PIGB: variants seen among roughly 807,000 people sequenced by gnomAD.
The protein encoded by PIGB is phosphatidylinositol glycan anchor biosynthesis class B.
PIGB carries 58 observed loss-of-function variants against 68.4 expected under a neutral mutation model. The ratio of observed to expected loss-of-function variants is 0.85; its 90% confidence interval spans 0.69 to 1.06. The LOEUF (loss-of-function observed/expected upper bound fraction) is 1.06, where lower values mean the gene tolerates loss of function less well. PIGB is among the 50% of genes least tolerant of loss of function. PIGB has a pLI of 0.00. For missense variants in PIGB, 634 were observed against 655.8 expected (o/e 0.97, Z 0.36); for synonymous variants, 219 against 220.5 (o/e 0.99, Z 0.06).
chr15:55,335,200 A>G (rs1428793278), intron 6 of PIGB, among the ~76,000 whole-genome samples: 3 of 152,240 alleles, frequency 2.0e-5, no homozygotes, highest in African/African-American at 4.8e-5. Flanking sequence ...TGTTTGCACA[A>G]TGATGAAACT....
intron 2 of PIGB, 111 bp from the exon 3 acceptor site, chr15:55,321,162 G>C: frequency 1.1e-6 from 1 of 909,486 alleles, no homozygotes; most frequent in Non-Finnish European, 1.6e-6. Context: ...GACCACTTGA[G>C]CCCAAGTTTG....
At chr15:55,334,845 A>C (rs570089242) in intron 6 of PIGB, among the ~76,000 whole-genome samples, 1 of 152,034 alleles carries the variant, frequency 6.6e-6, no homozygotes, top group African/African-American at 2.4e-5. Context: ...TCAGCCTCCC[A>C]AACAGCTGGG....
chr15:55,338,060 T>C (rs1008371846), intron 6 of PIGB, among the ~76,000 whole-genome samples: 7 of 152,162 alleles, frequency 4.6e-5, no homozygotes, highest in Admixed American at 1.3e-4. Context: ...GACTGACTGA[T>C]TGGAGGGACA....
At chr15:55,338,702 C>T (rs2055593074) in intron 6 of PIGB, among the ~76,000 whole-genome samples, 1 of 152,098 alleles carries the variant, frequency 6.6e-6, no homozygotes. Flanking sequence ...TCTTGGGTGC[C>T]TGTCTCACTC....
intron 3 of PIGB, 44 bp downstream of exon 3, chr15:55,321,434 A>C: frequency 6.6e-7 from 1 of 1,515,866 alleles, no homozygotes; most frequent in South Asian, 1.3e-5. Context: ...GGGCCATGGA[A>C]TTTGTTTTTA....
chr15:55,325,858 G>A (rs530749812), intron 3 of PIGB, among the ~76,000 whole-genome samples: 1 of 151,996 alleles, frequency 6.6e-6, no homozygotes, highest in Non-Finnish European at 1.5e-5. Flanking sequence ...AGAGGTGGCG[G>A]TGAGCCAAGA....
rs532638179 is a variant in PIGB at position 55,335,599 on chromosome 15, T to C, written c.794+1592T>C. ...TAATTGTGGGATAAGAAGGATAGAA[T>C]GCCAGTGCTTGGGGTAATGGGGGAG... On this transcript the variant is annotated intron_variant, in intron 6 of 11. Coordinates refer to ENST00000164305, the MANE Select transcript of PIGB (RefSeq NM_004855.5). 3.9e-5 allele frequency among the ~76,000 whole-genome samples: 6 copies of C among 152,270 alleles called. No individual in the cohort carries two copies. In the South Asian group the frequency reaches 1.2e-3, roughly 32 times the overall value.
chr15:55,341,762 G>A lies in PIGB; in HGVS notation c.1083G>A (p.Arg361=), dbSNP rs1566955683. The A allele has an allele frequency of 6.9e-7, 1 of 1,457,670 alleles. No individual in the cohort carries two copies. Among genetic ancestry groups the A allele is most frequent in the South Asian group, 1.5e-5 (1 of 66,872 alleles). 90.3% of individuals were successfully genotyped at this position (1,457,670 alleles called of 1,614,324 possible). A position where few individuals can be genotyped will look rare whatever the true frequency, so the allele number is the denominator to read the frequency against. ...GCATGTTGAGCCACAAAGAATTCAG[G>A]TTTATTTATCCAGTTTTACCATTCT... ...VYSMLSHKEF[R]FIYPVLPFCM... is the part of the protein sequence containing the mutation. Residue 361 remains arginine (R), a synonymous_variant, in exon 9 of 12, where the codon AGG becomes AGA. Transcript: ENST00000164305.
At chr15:55,334,742 C>T (rs377227153) in intron 6 of PIGB, among the ~76,000 whole-genome samples, 5 of 152,136 alleles carry the variant, frequency 3.3e-5, no homozygotes, top group Admixed American at 6.6e-5. Context: ...TTATTTGAGA[C>T]GGAGTCTCAC....
At chr15:55,342,348 C>T (rs573963919) in intron 9 of PIGB, among the ~76,000 whole-genome samples, 2 of 152,154 alleles carry the variant, frequency 1.3e-5, no homozygotes, top group Admixed American at 6.5e-5. Context: ...CTTTTACACA[C>T]AAAACATTTA....
In PIGB at chr15:55,333,636, G is replaced by A. The variant is rs191214599; in HGVS notation, c.654-231G>A. On this transcript the variant is annotated intron_variant, in intron 5 of 11. Transcript: ENST00000164305. ...AATCCCAGCTACTCGGGATGCTGAG[G>A]CAGGAGAATCACTTGCACCTGGGAG... is the stretch of plus-strand genomic sequence containing the variant. 1.8e-3 allele frequency among the ~76,000 whole-genome samples: 279 copies of A among 152,306 alleles called. 4 individuals are homozygous for A. The highest frequency in any genetic ancestry group is 6.2e-3 in the African/African-American group (256 of 41,556).
At chr15:55,336,424 C>T (rs1167035833) in intron 6 of PIGB, among the ~76,000 whole-genome samples, 1 of 152,030 alleles carries the variant, frequency 6.6e-6, no homozygotes, top group East Asian at 1.9e-4. Context: ...TATTCTACGT[C>T]AAAAATGCAC....
At chr15:55,327,892 G>T (rs1426631311) in intron 4 of PIGB, among the ~76,000 whole-genome samples, 1 of 152,170 alleles carries the variant, frequency 6.6e-6, no homozygotes, top group East Asian at 1.9e-4. Flanking sequence ...ACCTTTGGAA[G>T]CCCCTTCACT....
chr15:55,340,091 A>G (rs2055628780), intron 7 of PIGB: 1 of 152,214 alleles, frequency 6.6e-6, no homozygotes, highest in South Asian at 2.1e-4. Flanking sequence ...TAGTTTTACA[A>G]ATTAACAAGG....
rs565194380 is a variant in PIGB, at chr15:55,355,393, G to C, written c.1626G>C (p.Arg542=). 148 of 1,609,252 alleles carry C rather than the reference G, an allele frequency of 9.2e-5. 1 individual carries two copies. In the South Asian group the frequency reaches 1.6e-3, roughly 17 times the overall value. ...GAAGTCACATATATGTCTATGAACGGAAGTTAAAAGGGAAATTCAACATGA... is the reference window on the plus strand; with the variant it reads ...GAAGTCACATATATGTCTATGAACGCAAGTTAAAAGGGAAATTCAACATGA... ...RIGSHIYVYE[R]KLKGKFNMKM... Residue 542 remains arginine, a synonymous_variant, in exon 12 of 12, where the codon CGG becomes CGC. Coordinates refer to ENST00000164305, the MANE Select transcript of PIGB (RefSeq NM_004855.5).
chr15:55,329,044 A>G (rs534810978), intron 4 of PIGB, among the ~76,000 whole-genome samples: 7 of 152,330 alleles, frequency 4.6e-5, no homozygotes, highest in Admixed American at 6.5e-5. Context: ...TTTAAAGGCT[A>G]TATTTGGTGA....
rs759599218 is a variant in PIGB, at chr15:55,350,718, G to C, written c.1143G>C (p.Leu381=). The C allele has an allele frequency of 7.4e-6, 12 of 1,612,958 alleles. No individual in the cohort carries two copies. In the South Asian group the frequency reaches 1.2e-4, roughly 16 times the overall value. ...ATATAGGATACTCATTAACCCACCT[G>C]AAAACATGGAAGAAACCAGCTCTAA... ...MVFCGYSLTH[L]KTWKKPALSF... Residue 381 remains leucine, a synonymous_variant, in exon 10 of 12, where the codon CTG becomes CTC. Transcript: ENST00000164305.
intron 9 of PIGB, among the ~76,000 whole-genome samples, chr15:55,347,064 A>G (rs2055810483): frequency 1.3e-5 from 2 of 152,236 alleles, no homozygotes; most frequent in Admixed American, 1.3e-4. Flanking sequence ...TCATTTGATG[A>G]TAACTGAAAT....
intron 3 of PIGB, among the ~76,000 whole-genome samples, chr15:55,323,926 C>T (rs1053910427): frequency 2.6e-5 from 4 of 152,184 alleles, no homozygotes; most frequent in Admixed American, 6.5e-5. Context: ...CTCACTCTGT[C>T]GCCCAGGCTG....
Sources: allele counts gnomAD v4.1 joint callset (sites outside exome capture counted in the v4.1 genomes callset), GRCh38; gene constraint gnomAD v4.1.1; transcripts MANE v1.5; gene names NCBI Gene and HGNC (gene_info 2026-07-23, HGNC 2026-07-21).